The following ANKRD13C variants were observed in gnomAD, a reference collection of about 807,000 sequenced individuals.
ANKRD13C encodes ankyrin repeat domain-containing protein 13C.
A neutral mutation model predicts 65.5 loss-of-function variants in ANKRD13C; 16 were observed. That is an observed-to-expected ratio of 0.24 (90% CI 0.17 to 0.37). ANKRD13C has a LOEUF of 0.37. Among genes scored for constraint, ANKRD13C ranks in the 10% least tolerant of loss-of-function variants. ANKRD13C has a pLI of 1.00. For missense variants in ANKRD13C, 503 were observed against 655.9 expected, an observed-to-expected ratio of 0.77 and a Z score of 2.55; for synonymous variants, 235 against 238.7, an observed-to-expected ratio of 0.98 and a Z score of 0.14.
At chr1:70,325,919 T>C (rs910174524) in intron 2 of ANKRD13C, among the ~76,000 whole-genome samples, 1 of 150,856 alleles carries the variant, frequency 6.6e-6, no homozygotes, top group African/African-American at 2.4e-5. Context: ...AAAAGTTCAC[T>C]TAACAGGAAA....
intron 8 of ANKRD13C, among the ~76,000 whole-genome samples, chr1:70,295,742 A>C (rs1445783577): frequency 1.3e-5 from 2 of 152,210 alleles, no homozygotes; most frequent in Non-Finnish European, 2.9e-5. Flanking sequence ...AATATTAAGT[A>C]AATGAGAAGT....
chr1:70,321,531 T>C (rs962685546), intron 3 of ANKRD13C, among the ~76,000 whole-genome samples: 4 of 152,062 alleles, frequency 2.6e-5, no homozygotes, highest in East Asian at 1.9e-4. Flanking sequence ...AAGTATACCA[T>C]GACATAAGTC....
chr1:70,290,234 T>C (rs2101241192), intron 9 of ANKRD13C, among the ~76,000 whole-genome samples: 1 of 152,284 alleles, frequency 6.6e-6, no homozygotes, highest in East Asian at 1.9e-4. Flanking sequence ...TTAAAATGTT[T>C]TACTGACAAA....
intron 4 of ANKRD13C, 119 bp from the exon 5 acceptor site, chr1:70,313,909 G>A: frequency 9.8e-6 from 6 of 613,706 alleles, no homozygotes; most frequent in Middle Eastern, 4.0e-4. Context: ...TAATTACAAA[G>A]GAAAATATGC....
chr1:70,318,679 G>GTTTTTTTT (rs11337993), intron 3 of ANKRD13C, among the ~76,000 whole-genome samples: 5 of 94,228 alleles, frequency 5.3e-5, no homozygotes, highest in African/African-American at 8.2e-5. Flanking sequence ...ATCAATCTTT[G>GTTTTTTTT]TTTTTTTTTT....
rs931297526 is a variant in ANKRD13C at position 70,354,708 on chromosome 1, A to G, written c.-300T>C. 4.1e-6 allele frequency: 3 copies of G among 737,698 alleles called. No homozygotes were observed. Among genetic ancestry groups the G allele is most frequent in the South Asian group, 1.9e-5 (1 of 52,334 alleles). The allele number at this position is 737,698 out of a possible 1,614,324, so 45.7% of individuals were successfully genotyped here. On this transcript the variant is annotated 5_prime_UTR_variant, in exon 1 of 13. An upstream start codon of the reference 5' UTR is lost. Transcript: ENST00000370944. Reference sequence around the variant, plus strand: ...TTACACCGAAAAACAGGGCACGGCCATCTTCCTCTTGCTCCTCTCGCGAGA... The same window carrying G: ...TTACACCGAAAAACAGGGCACGGCCGTCTTCCTCTTGCTCCTCTCGCGAGA...
rs1204463319 is a variant in ANKRD13C at position 70,354,303 on chromosome 1, C to G, written c.106G>C (p.Gly36Arg). Residue 36 changes from glycine to arginine, a missense_variant, in exon 1 of 13, where the codon GGT becomes CGT. Gly to Arg is a moderately radical substitution (Grantham distance 125). Transcript: ENST00000370944. ...GDEEAAAALG[G>R]TFTRSRIGKG... Reference sequence around the variant, plus strand: ...CCAATCCTGCTTCTGGTAAAGGTACCGCCGAGGGCAGCCGCCGCTTCCTCA... The same window carrying G: ...CCAATCCTGCTTCTGGTAAAGGTACGGCCGAGGGCAGCCGCCGCTTCCTCA... 1 of 1,613,918 alleles carries G rather than the reference C, an allele frequency of 6.2e-7. No individual in the cohort carries two copies. The highest frequency in any genetic ancestry group is 8.5e-7 in the Non-Finnish European group (1 of 1,180,050).
intron 10 of ANKRD13C, among the ~76,000 whole-genome samples, chr1:70,275,630 C>G (rs1017858051): frequency 6.6e-6 from 1 of 151,720 alleles, no homozygotes; most frequent in South Asian, 2.1e-4. Context: ...GGAGGCTAAT[C>G]TAATACAATA....
intron 11 of ANKRD13C, among the ~76,000 whole-genome samples, chr1:70,271,704 A>T (rs77513152): frequency 0.013 from 1,953 of 152,292 alleles, 17 homozygotes; most frequent in Non-Finnish European, 0.02. Context: ...GAAGCCCAAT[A>T]GTTTGATCAG....
intron 3 of ANKRD13C, among the ~76,000 whole-genome samples, chr1:70,323,363 G>A (rs1244274): frequency 0.36 from 54,246 of 151,976 alleles, 9,856 homozygotes; most frequent in Admixed American, 0.42. Context: ...GTTGTTTATA[G>A]GCTGAGCACG....
chr1:70,311,413 T>G (rs1680844841), intron 5 of ANKRD13C, among the ~76,000 whole-genome samples: 1 of 152,118 alleles, frequency 6.6e-6, no homozygotes, highest in Non-Finnish European at 1.5e-5. Flanking sequence ...AGGTGGAGGT[T>G]GCAGTGAGCT....
At position 70,296,521 on chromosome 1, in the gene ANKRD13C, T is replaced by G. The variant is rs115776998; in HGVS notation, c.922-260A>C. On this transcript the variant is annotated intron_variant, in intron 7 of 12. Coordinates refer to ENST00000370944, the MANE Select transcript of ANKRD13C (RefSeq NM_030816.5). Reference sequence around the variant, plus strand: ...CATGAAATACGGTACTATTATCCTGTTATAGATATGTAATGGAAGCAGTAC... The same window carrying G: ...CATGAAATACGGTACTATTATCCTGGTATAGATATGTAATGGAAGCAGTAC... Among the ~76,000 whole-genome samples, 496 of 152,320 alleles carry G rather than the reference T, an allele frequency of 3.3e-3. 2 individuals are homozygous for G. The highest frequency in any genetic ancestry group is 0.011 in the African/African-American group (462 of 41,564).
rs11359618 is a variant in ANKRD13C, at chr1:70,302,725, C to CAAAA, written c.777-1821_777-1818dup. ...TGGGCGACAGAGCGAGACTCCGTCT[C>CAAAA]AAAAAAAAAAAAAAAAAAAAAAAAA... On this transcript the variant is annotated intron_variant, in intron 6 of 12. Coordinates refer to ENST00000370944, the MANE Select transcript of ANKRD13C (RefSeq NM_030816.5). Among the ~76,000 whole-genome samples, 171 of 32,176 alleles carry CAAAA rather than the reference C, an allele frequency of 5.3e-3. 5 individuals are homozygous for CAAAA. Among genetic ancestry groups the CAAAA allele is most frequent in the Middle Eastern group, 0.05 (1 of 20 alleles). The allele number at this position is 32,176 out of a possible 152,430, so 21.1% of individuals were successfully genotyped here.
intron 1 of ANKRD13C, among the ~76,000 whole-genome samples, chr1:70,339,164 G>A (rs1682190822): frequency 1.3e-5 from 2 of 151,058 alleles, no homozygotes; most frequent in African/African-American, 4.9e-5. Context: ...AAGCCGAGAT[G>A]GCGGCATTGC....
intron 2 of ANKRD13C, among the ~76,000 whole-genome samples, chr1:70,332,839 C>T (rs948791115): frequency 4.6e-5 from 7 of 152,104 alleles, no homozygotes; most frequent in African/African-American, 1.7e-4. Flanking sequence ...AATTAGAATA[C>T]CCTCTGTGAG....
chr1:70,264,184 G>A (rs958660645), intron 12 of ANKRD13C, among the ~76,000 whole-genome samples: 4 of 151,956 alleles, frequency 2.6e-5, no homozygotes, highest in Non-Finnish European at 4.4e-5. Context: ...ATTTCATGAA[G>A]TGAAAATTAG....
At chr1:70,276,960 T>C (rs1166557850) in intron 9 of ANKRD13C, 116 bp from the exon 10 acceptor site, 5 of 788,612 alleles carry the variant, frequency 6.3e-6, no homozygotes, top group African/African-American at 1.8e-5. Flanking sequence ...ACTTAATCTC[T>C]TCAATATAAT....
chr1:70,344,364 G>T (rs1682439739), intron 1 of ANKRD13C, among the ~76,000 whole-genome samples: 1 of 151,604 alleles, frequency 6.6e-6, no homozygotes, highest in Non-Finnish European at 1.5e-5. Context: ...TACTCAGGAG[G>T]GTGAGGTGGG....
At chr1:70,268,069 A>C (rs75774314) in intron 12 of ANKRD13C, among the ~76,000 whole-genome samples, 1,832 of 152,260 alleles carry the variant, frequency 0.012, 40 homozygotes, top group African/African-American at 0.043. Context: ...GTTTGATTTT[A>C]AAAGGGGAGA....
Sources: gnomAD v4.1 joint callset for allele counts (sites outside exome capture counted in the v4.1 genomes callset) on GRCh38, gnomAD v4.1.1 for gene constraint, MANE v1.5 for transcripts, NCBI Gene and HGNC (gene_info 2026-07-23, HGNC 2026-07-21) for gene names.